Variants in VAV3 observed in about 807,000 individuals in gnomAD.
VAV3 encodes vav guanine nucleotide exchange factor 3.
A neutral mutation model predicts 131.2 loss-of-function variants in VAV3; 94 were observed. The observed-to-expected ratio is 0.72, with a 90% CI of 0.61 to 0.85. The LOEUF (loss-of-function observed/expected upper bound fraction) is 0.85, where lower values mean the gene tolerates loss of function less well. Among genes scored for constraint, VAV3 ranks in the 40% least tolerant of loss-of-function variants. The pLI is 0.00. For synonymous variants in VAV3, 349 were observed against 342.0 expected (o/e 1.02, Z -0.22); for missense variants, 939 against 1,002.7 (o/e 0.94, Z 0.86).
chr1:107,785,526 G>C (rs781638378), intron 2 of VAV3: 7 of 1,290,062 alleles, frequency 5.4e-6, no homozygotes, highest in Non-Finnish European at 7.1e-6. Flanking sequence ...GACGAGCTTG[G>C]GGGTTCAAGA....
intron 15 of VAV3, among the ~76,000 whole-genome samples, chr1:107,748,222 C>G (rs1462806862): frequency 6.6e-6 from 1 of 152,098 alleles, no homozygotes; most frequent in African/African-American, 2.4e-5. Flanking sequence ...TGTAGTTTTC[C>G]TTAATTTCCC....
chr1:107,849,054 T>G (rs1669106303), intron 2 of VAV3, among the ~76,000 whole-genome samples: 1 of 152,112 alleles, frequency 6.6e-6, no homozygotes, highest in South Asian at 2.1e-4. Flanking sequence ...TACAAACCTC[T>G]GCTCAACGAA....
At chr1:107,919,572 C>T (rs548798797) in intron 1 of VAV3, among the ~76,000 whole-genome samples, 2 of 152,190 alleles carry the variant, frequency 1.3e-5, no homozygotes, top group East Asian at 3.9e-4. Context: ...AGCTGACACA[C>T]CTGAACTTTG....
At chr1:107,824,836 G>T (rs12039935) in intron 2 of VAV3, among the ~76,000 whole-genome samples, 1 of 151,800 alleles carries the variant, frequency 6.6e-6, no homozygotes, top group African/African-American at 2.4e-5. Flanking sequence ...TTAAGAATTA[G>T]AAATAATATA....
At chr1:107,653,104 A>G (rs966575225) in intron 19 of VAV3, among the ~76,000 whole-genome samples, 4 of 151,768 alleles carry the variant, frequency 2.6e-5, no homozygotes, top group African/African-American at 9.7e-5. Flanking sequence ...ATGCATTCCC[A>G]AAAGATTCAG....
chr1:107,914,648 T>C (rs988119817), intron 1 of VAV3, among the ~76,000 whole-genome samples: 2 of 152,212 alleles, frequency 1.3e-5, no homozygotes, highest in Non-Finnish European at 2.9e-5. Context: ...GCCATAATGT[T>C]TGGAAAACAC....
intron 6 of VAV3, among the ~76,000 whole-genome samples, chr1:107,768,860 G>C (rs375998642): frequency 6.6e-6 from 1 of 152,170 alleles, no homozygotes; most frequent in African/African-American, 2.4e-5. Context: ...TCTCCCAAAT[G>C]TTTTGTGGAG....
intron 15 of VAV3, among the ~76,000 whole-genome samples, chr1:107,716,699 T>C (rs1427704941): frequency 1.3e-5 from 2 of 152,120 alleles, no homozygotes; most frequent in Non-Finnish European, 2.9e-5. Context: ...AATTCTTTTT[T>C]TGTTGTTGTT....
intron 6 of VAV3, among the ~76,000 whole-genome samples, chr1:107,770,289 C>G (rs373941550): frequency 2.0e-5 from 3 of 152,258 alleles, no homozygotes; most frequent in African/African-American, 7.2e-5. Flanking sequence ...CCCTCCCCCC[C>G]CATCACTCTC....
At chr1:107,605,195 A>G (rs1169471957) in intron 22 of VAV3, among the ~76,000 whole-genome samples, 3 of 152,236 alleles carry the variant, frequency 2.0e-5, no homozygotes, top group Non-Finnish European at 1.5e-5. Context: ...CAACATTGCT[A>G]TGGTTTGAAT....
chr1:107,586,937 T>G (rs544850670), intron 25 of VAV3, among the ~76,000 whole-genome samples: 1 of 152,126 alleles, frequency 6.6e-6, no homozygotes. Flanking sequence ...AATAGGGTGT[T>G]TTGTGTGGTA....
chr1:107,703,696 T>C (rs929685645), intron 17 of VAV3, among the ~76,000 whole-genome samples: 3 of 152,268 alleles, frequency 2.0e-5, no homozygotes, highest in African/African-American at 2.4e-5. Flanking sequence ...AATAATTCAA[T>C]GTCCACCTTT....
rs1675360998 is a variant in VAV3, at chr1:107,964,932, GC to G, written c.-64del. ...CGGCAAGGATGCGGCCGCCGCCGCC[GC>G]CGCCGCGGTTCCTCCGCGCCCCGCC... On this transcript the variant is annotated 5_prime_UTR_variant, in exon 1 of 27. Transcript: ENST00000370056. 2 of 1,213,134 alleles carry G rather than the reference GC, an allele frequency of 1.6e-6. No individual in the cohort carries two copies. 75.1% of individuals were successfully genotyped at this position (1,213,134 alleles called of 1,614,324 possible).
At chr1:107,686,034 T>TGGGTGGGGGGGGGG (rs1658997093) in intron 18 of VAV3, 3 of 85,082 alleles carry the variant, frequency 3.5e-5, no homozygotes, top group African/African-American at 1.4e-4. Flanking sequence ...GTTGGGGGGG[T>TGGGTGGGGGGGGGG]GGGGGGGGAG....
intron 1 of VAV3, among the ~76,000 whole-genome samples, chr1:107,906,495 T>A (rs1466082436): frequency 3.3e-5 from 5 of 152,078 alleles, no homozygotes; most frequent in Middle Eastern, 6.8e-3. Context: ...AAACCCCGTC[T>A]CTACTAAAAA....
chr1:107,703,707 T>C (rs181536978), intron 17 of VAV3, among the ~76,000 whole-genome samples: 2 of 152,258 alleles, frequency 1.3e-5, no homozygotes, highest in Admixed American at 6.5e-5. Flanking sequence ...GTCCACCTTT[T>C]CCTTTGGGAA....
At chr1:107,619,588 A>C (rs1653416302) in intron 20 of VAV3, among the ~76,000 whole-genome samples, 1 of 152,206 alleles carries the variant, frequency 6.6e-6, no homozygotes, top group South Asian at 2.1e-4. Context: ...GAAAAGAATA[A>C]GAATGCTTTA....
chr1:107,904,831 A>T (rs189014221), intron 1 of VAV3, among the ~76,000 whole-genome samples: 1 of 147,478 alleles, frequency 6.8e-6, no homozygotes, highest in Non-Finnish European at 1.5e-5. Flanking sequence ...TATTAATTAC[A>T]TGTAATTATC....
Position 107,749,485 on chromosome 1 carries a change from T to C in VAV3, c.1369A>G (p.Thr457Ala), listed in dbSNP as rs1364830850. The C allele has an allele frequency of 1.9e-6, 3 of 1,603,462 alleles. No individual in the cohort carries two copies. The highest frequency in any genetic ancestry group is 2.5e-6 in the Non-Finnish European group (3 of 1,177,574). ...LQQYKIANNPTTDKENKKWSY... is the reference protein window; with the variant it reads ...LQQYKIANNPATDKENKKWSY... ...ACCTTTTTGTTTTCTTTATCGGTTG[T>C]AGGATTATTGGCTATCTTGTACTGC... The change falls in exon 14 of 27, where the codon ACA becomes GCA. Residue 457 changes from threonine (T) to alanine (A), a missense_variant. Physicochemically the swap from Thr to Ala is moderately conservative, Grantham distance 58. Transcript: ENST00000370056.
Sources: allele counts gnomAD v4.1 joint callset (sites outside exome capture counted in the v4.1 genomes callset), GRCh38; gene constraint gnomAD v4.1.1; transcripts MANE v1.5; gene names NCBI Gene and HGNC (gene_info 2026-07-23, HGNC 2026-07-21).